CYP26B1: variants seen among roughly 807,000 people sequenced by gnomAD.
CYP26B1 encodes cytochrome P450 26B1.
CYP26B1 carries 8 observed loss-of-function variants against 39.1 expected under a neutral mutation model. That is an observed-to-expected ratio of 0.20 (90% CI 0.12 to 0.37). The LOEUF (loss-of-function observed/expected upper bound fraction) is 0.37. CYP26B1 is among the 10% of genes least tolerant of loss of function. The pLI, the probability that CYP26B1 is intolerant of heterozygous loss-of-function variation, is 1.00. For missense variants in CYP26B1, 615 were observed against 707.0 expected (o/e 0.87, Z 1.48); for synonymous variants, 321 against 314.3 (o/e 1.02, Z -0.23).
intron 2 of CYP26B1, chr2:72,142,966 G>A (rs909469151): frequency 1.2e-5 from 2 of 167,138 alleles, no homozygotes; most frequent in African/African-American, 2.4e-5. Context: ...AGAACGTCAA[G>A]TGCTACAGGA....
In CYP26B1 at chr2:72,130,921, C is replaced by T. The variant is rs955669525; in HGVS notation, c.*1306G>A. ...GCTGCGCTCACCTCCCCCACGCTTT[C>T]GCCTCTTCCCCACCCCTGAGCTGGG... On this transcript the variant is annotated 3_prime_UTR_variant, in exon 6 of 6. Transcript: ENST00000001146. 4 of 152,538 alleles carry T rather than the reference C, an allele frequency of 2.6e-5. No individual in the cohort carries two copies. The highest frequency in any genetic ancestry group is 9.6e-5 in the African/African-American group (4 of 41,462). The allele number at this position is 152,538 out of a possible 1,614,324, so 9.4% of individuals were successfully genotyped here. A position where few individuals can be genotyped will look rare whatever the true frequency, so the allele number is the denominator to read the frequency against.
intron 2 of CYP26B1, 44 bp from the exon 3 acceptor site, chr2:72,135,463 C>T (rs367755465): frequency 1.3e-6 from 2 of 1,599,672 alleles, no homozygotes; most frequent in African/African-American, 2.7e-5. Flanking sequence ...TGGCACAGCC[C>T]ACCCCTGGCC....
rs556535493 is a variant in CYP26B1 at position 72,136,925 on chromosome 2, T to G, written c.430-1506A>C. Among the ~76,000 whole-genome samples the G allele has an allele frequency of 4.6e-5, 7 of 152,242 alleles. No homozygotes were observed. The South Asian group carries it at 1.2e-3, about 27-fold the overall frequency. On this transcript the variant is annotated intron_variant, in intron 2 of 5. Transcript: ENST00000001146. ...CCCCTTACAGATAGCAGAGAGCCACTGGGTGGGCAGAGAGTAGCACACAGG... is the reference window on the plus strand; with the variant it reads ...CCCCTTACAGATAGCAGAGAGCCACGGGGTGGGCAGAGAGTAGCACACAGG...
chr2:72,140,456 G>A (rs1460630974), intron 2 of CYP26B1, among the ~76,000 whole-genome samples: 2 of 152,250 alleles, frequency 1.3e-5, no homozygotes, highest in Non-Finnish European at 2.9e-5. Flanking sequence ...CAAGGGGCTG[G>A]GGCAGAGCTC....
rs761585643 is a variant in CYP26B1 at position 72,129,549 on chromosome 2, T to G, written c.*2678A>C. On this transcript the variant is annotated 3_prime_UTR_variant, in exon 6 of 6. Coordinates refer to ENST00000001146, the MANE Select transcript of CYP26B1 (RefSeq NM_019885.4). ...GCAAAAACTTTATACTAAATATCTATTTTGAATTATAACAAAAATAGTACT... is the reference window on the plus strand; with the variant it reads ...GCAAAAACTTTATACTAAATATCTAGTTTGAATTATAACAAAAATAGTACT... 2 of 152,510 alleles carry G rather than the reference T, an allele frequency of 1.3e-5. No homozygotes were observed. Among genetic ancestry groups the G allele is most frequent in the Non-Finnish European group, 2.9e-5 (2 of 68,042 alleles). The allele number at this position is 152,510 out of a possible 1,614,324, so 9.4% of individuals were successfully genotyped here. A position where few individuals can be genotyped will look rare whatever the true frequency, so the allele number is the denominator to read the frequency against.
rs2241058 is a variant in CYP26B1, at chr2:72,134,736, C to A, written c.861+25G>T. ...ATGGAGCCTGGGTGCTGGTGCTGCC[C>A]GTGAGGGGCACACGCCCACCCCACC... On this transcript the variant is annotated intron_variant, in intron 4 of 5. Transcript: ENST00000001146. The A allele has an allele frequency of 0.16, 256,448 of 1,602,766 alleles. 22,332 individuals carry two copies. The highest frequency in any genetic ancestry group is 0.28 in the African/African-American group (21,139 of 74,700).
intron 2 of CYP26B1, among the ~76,000 whole-genome samples, chr2:72,141,407 G>A (rs1001115429): frequency 7.2e-5 from 11 of 152,216 alleles, no homozygotes; most frequent in African/African-American, 2.7e-4. Flanking sequence ...AGTGACGGCA[G>A]TGAGAAGCCC....
intron 1 of CYP26B1, 43 bp from the exon 2 acceptor site, chr2:72,144,256 C>A (rs770468784): frequency 2.2e-5 from 35 of 1,562,916 alleles, no homozygotes; most frequent in Non-Finnish European, 3.0e-5. Context: ...TGCACTTCTG[C>A]AGAGGGCCCG....
intron 1 of CYP26B1, among the ~76,000 whole-genome samples, chr2:72,145,564 T>C (rs1025101600): frequency 2.6e-5 from 4 of 151,712 alleles, no homozygotes; most frequent in African/African-American, 4.8e-5. Flanking sequence ...GAGGCGAGGG[T>C]TTCCCTCCCT....
At chr2:72,144,505 G>A in intron 1 of CYP26B1, 3 of 1,184,204 alleles carry the variant, frequency 2.5e-6, no homozygotes, top group Non-Finnish European at 3.1e-6. Context: ...AGCTGGACCC[G>A]AAGCGGGAGT....
chr2:72,131,946 C>T lies in CYP26B1; in HGVS notation c.*281G>A. On this transcript the variant is annotated 3_prime_UTR_variant, in exon 6 of 6. Transcript: ENST00000001146. ...CACTGTAGCACGCGCTGACACCTAA[C>T]ACTGTCACGGGCATGCAGAGCCCCT... The T allele has an allele frequency of 3.7e-6, 2 of 536,082 alleles. No individual in the cohort carries two copies. Among genetic ancestry groups the T allele is most frequent in the Admixed American group, 3.2e-5 (1 of 31,262 alleles). The allele number at this position is 536,082 out of a possible 1,614,324, so 33.2% of individuals were successfully genotyped here.
rs1179672650 is a variant in CYP26B1, at chr2:72,134,752, C to T, written c.861+9G>A. The T allele has an allele frequency of 1.2e-6, 2 of 1,611,306 alleles. No individual in the cohort carries two copies. The highest frequency in any genetic ancestry group is 1.7e-6 in the Non-Finnish European group (2 of 1,178,718). On this transcript the variant is annotated intron_variant, in intron 4 of 5. Transcript: ENST00000001146. ...GGTGCTGCCCGTGAGGGGCACACGC[C>T]CACCCCACCTTCAGCTCCTGCATGG...
Position 72,144,231 on chromosome 2 carries a change from G to A in CYP26B1, c.205-18C>T, listed in dbSNP as rs772519730. ...CCAGAACCCTGCGGGAGCCACACCC[G>A]GGTCTCTCTCAGGGTGCACTTCTGC... On this transcript the variant is annotated intron_variant, in intron 1 of 5. Coordinates refer to ENST00000001146, the MANE Select transcript of CYP26B1 (RefSeq NM_019885.4). 36 of 1,576,266 alleles carry A rather than the reference G, an allele frequency of 2.3e-5. No individual in the cohort carries two copies. The highest frequency in any genetic ancestry group is 3.0e-5 in the Non-Finnish European group (35 of 1,155,334).
rs775445736 is a variant in CYP26B1 at position 72,144,121 on chromosome 2, C to T, written c.297G>A (p.Ala99=). Residue 99 remains alanine (A), a synonymous_variant, in exon 2 of 6, where the codon GCG becomes GCA. Coordinates refer to ENST00000001146, the MANE Select transcript of CYP26B1 (RefSeq NM_019885.4). ...CCATGAGGATCTTGCGCACGTTCTC[C>T]GCGCCGGTCACGCGTATCAGCGGCC... ...LGRPLIRVTG[A]ENVRKILMGE... is the part of the protein sequence containing the mutation. The T allele has an allele frequency of 2.5e-6, 4 of 1,611,762 alleles. No homozygotes were observed. Among genetic ancestry groups the T allele is most frequent in the Middle Eastern group, 1.6e-4 (1 of 6,082 alleles).
chr2:72,136,641 C>T (rs1309704057), intron 2 of CYP26B1, among the ~76,000 whole-genome samples: 2 of 152,216 alleles, frequency 1.3e-5, no homozygotes, highest in Non-Finnish European at 2.9e-5. Context: ...GGTAGAAGGA[C>T]GATAGGAGGT....
chr2:72,144,710 G>A (rs978906623), intron 1 of CYP26B1, among the ~76,000 whole-genome samples: 1 of 152,204 alleles, frequency 6.6e-6, no homozygotes, highest in African/African-American at 2.4e-5. Flanking sequence ...TCCGCTCTCC[G>A]GTGTGGCCCG....
At chr2:72,144,520 G>GGGGC in intron 1 of CYP26B1, 1 of 1,154,994 alleles carries the variant, frequency 8.7e-7, no homozygotes, top group Non-Finnish European at 1.1e-6. Flanking sequence ...GGGAGTCTCC[G>GGGGC]CCCCCACCCC....
At chr2:72,144,674 A>T (rs1258466174) in intron 1 of CYP26B1, among the ~76,000 whole-genome samples, 1 of 152,184 alleles carries the variant, frequency 6.6e-6, no homozygotes, top group Non-Finnish European at 1.5e-5. Flanking sequence ...CGGAGGCAGC[A>T]ACTACAGATG....
intron 2 of CYP26B1, among the ~76,000 whole-genome samples, chr2:72,141,677 G>A (rs1194268236): frequency 6.6e-6 from 1 of 152,244 alleles, no homozygotes; most frequent in East Asian, 1.9e-4. Context: ...CCGGGCCTTG[G>A]GTTCAGCAGA....
Sources: allele counts gnomAD v4.1 joint callset (sites outside exome capture counted in the v4.1 genomes callset), GRCh38; gene constraint gnomAD v4.1.1; transcripts MANE v1.5; gene names NCBI Gene and HGNC (gene_info 2026-07-23, HGNC 2026-07-21).